The following AKAP19 variants were observed in gnomAD, a reference collection of about 807,000 sequenced individuals.
The protein encoded by AKAP19 is small A-kinase anchoring protein.
At chr2:190,046,276 AT>A in the AKAP19 span, among the ~76,000 whole-genome samples, 1 of 151,236 alleles carries the variant, frequency 6.6e-6, no homozygotes, top group African/African-American at 2.4e-5. Flanking sequence ...GTTCTCTGTG[AT>A]TTGTTTTTTT....
At chr2:190,126,737 T>C in the AKAP19 span, among the ~76,000 whole-genome samples, 2 of 151,788 alleles carry the variant, frequency 1.3e-5, no homozygotes, top group Non-Finnish European at 2.9e-5. Context: ...AATTACAGAT[T>C]TGGGGAGGGG....
At chr2:190,133,530 A>T in the AKAP19 span, among the ~76,000 whole-genome samples, 1 of 152,146 alleles carries the variant, frequency 6.6e-6, no homozygotes, top group African/African-American at 2.4e-5. Context: ...GATCTACCAT[A>T]TGATCCAGCA....
At chr2:189,955,664 G>A in the AKAP19 span, among the ~76,000 whole-genome samples, 1 of 152,154 alleles carries the variant, frequency 6.6e-6, no homozygotes, top group Non-Finnish European at 1.5e-5. Flanking sequence ...ATTCTGACTG[G>A]TGTAAGATGA....
At chr2:189,931,336 C>T in the AKAP19 span, among the ~76,000 whole-genome samples, 1 of 152,026 alleles carries the variant, frequency 6.6e-6, no homozygotes, top group South Asian at 2.1e-4. Context: ...GTATAGAAAA[C>T]AGGAAATTAA....
At chr2:190,065,890 C>A in the AKAP19 span, among the ~76,000 whole-genome samples, 50 of 152,218 alleles carry the variant, frequency 3.3e-4, no homozygotes, top group East Asian at 8.9e-3. Flanking sequence ...GTGATTGCAA[C>A]CTTCCTGAGG....
the AKAP19 span, chr2:189,931,154 T>C: frequency 1.1e-4 from 37 of 324,816 alleles, 1 homozygote; most frequent in South Asian, 4.8e-3. Context: ...TTTTAGCATC[T>C]ACTGATGATG....
chr2:189,930,763 C>G, the AKAP19 span: 1 of 735,854 alleles, frequency 1.4e-6, no homozygotes, highest in East Asian at 2.6e-5. Flanking sequence ...TTTTACTGAT[C>G]CATCTCTTCC....
At chr2:190,060,497 T>C in the AKAP19 span, 3 of 1,445,080 alleles carry the variant, frequency 2.1e-6, no homozygotes, top group Non-Finnish European at 1.9e-6. Context: ...AACCCCTCCA[T>C]ATTAATAGTT....
chr2:190,197,058 A>G, the AKAP19 span, among the ~76,000 whole-genome samples: 2 of 152,142 alleles, frequency 1.3e-5, no homozygotes, highest in African/African-American at 2.4e-5. The surrounding 1 kb of genome is among the most constrained non-coding windows in gnomAD (Gnocchi z 4.0). Flanking sequence ...ACATGTCAGT[A>G]GGGGCAAGGG....
chr2:190,053,219 A>G, the AKAP19 span, among the ~76,000 whole-genome samples: 3 of 152,176 alleles, frequency 2.0e-5, no homozygotes, highest in East Asian at 5.8e-4. Flanking sequence ...CTTATTAAGG[A>G]GTTGTCTGTC....
chr2:189,988,758 T>C, the AKAP19 span, among the ~76,000 whole-genome samples: 4 of 152,204 alleles, frequency 2.6e-5, no homozygotes, highest in Non-Finnish European at 5.9e-5. Context: ...TATTTCCCCC[T>C]CCTTCCTTGG....
the AKAP19 span, among the ~76,000 whole-genome samples, chr2:190,063,141 A>G: frequency 6.6e-6 from 1 of 152,126 alleles, no homozygotes; most frequent in African/African-American, 2.4e-5. Context: ...TTTGAAGTAG[A>G]AAATATTTTT....
At chr2:190,109,354 C>CT in the AKAP19 span, among the ~76,000 whole-genome samples, 195 of 149,254 alleles carry the variant, frequency 1.3e-3, 1 homozygote, top group African/African-American at 4.3e-3. Flanking sequence ...ATTTTCTCAG[C>CT]TTTTTTTTTT....
chr2:189,934,521 T>C, the AKAP19 span, among the ~76,000 whole-genome samples: 1 of 151,954 alleles, frequency 6.6e-6, no homozygotes, highest in Non-Finnish European at 1.5e-5. Flanking sequence ...AAATCAAGAC[T>C]TACTACATTA....
At chr2:190,079,746 G>T in the AKAP19 span, among the ~76,000 whole-genome samples, 4 of 152,230 alleles carry the variant, frequency 2.6e-5, no homozygotes, top group Middle Eastern at 3.4e-3. Context: ...AGGAGGCAGA[G>T]GTTGCAGTGA....
the AKAP19 span, among the ~76,000 whole-genome samples, chr2:190,183,042 A>G: frequency 6.6e-6 from 1 of 152,188 alleles, no homozygotes; most frequent in Non-Finnish European, 1.5e-5. Context: ...CAAGTCACTG[A>G]TAATAGATAG....
At chr2:190,060,331 A>G in the AKAP19 span, 8 of 1,612,862 alleles carry the variant, frequency 5.0e-6, no homozygotes, top group Non-Finnish European at 6.8e-6. Context: ...ACGGGTCTCA[A>G]ATATATCCAT....
the AKAP19 span, among the ~76,000 whole-genome samples, chr2:189,933,345 T>C: frequency 0.031 from 4,757 of 152,142 alleles, 92 homozygotes; most frequent in Non-Finnish European, 0.048. Flanking sequence ...TAGCATTATG[T>C]TTGTCACACT....
At chr2:190,057,730 T>G in the AKAP19 span, 1 of 1,395,236 alleles carries the variant, frequency 7.2e-7, no homozygotes, top group Non-Finnish European at 1.0e-6. Flanking sequence ...AGTAATAAAC[T>G]AATAATTTTG....
Sources: allele counts gnomAD v4.1 joint callset (sites outside exome capture counted in the v4.1 genomes callset), GRCh38; gene constraint gnomAD v4.1.1; non-coding constraint Gnocchi (gnomAD v3.1); transcripts MANE v1.5; gene names NCBI Gene and HGNC (gene_info 2026-07-23, HGNC 2026-07-21).